The following ENTHD1 variants were observed in gnomAD, a reference collection of about 807,000 sequenced individuals.
The protein encoded by ENTHD1 is ENTH domain containing 1, also known as ENTH domain-containing protein 1.
In ENTHD1, 23 loss-of-function variants were observed where a neutral mutation model predicts 39.1. The observed-to-expected ratio is 0.59, with a 90% confidence interval of 0.42 to 0.83. The LOEUF (loss-of-function observed/expected upper bound fraction) is 0.83. Among genes scored for constraint, ENTHD1 ranks in the 40% least tolerant of loss-of-function variants. The probability of loss-of-function intolerance (pLI) is 0.00; values close to 1 mark genes in which losing one functional copy is unlikely to be tolerated. For synonymous variants in ENTHD1, 230 were observed against 258.2 expected, an observed-to-expected ratio of 0.89 and a Z score of 1.05; for missense variants, 624 against 705.4, an observed-to-expected ratio of 0.88 and a Z score of 1.31.
At position 39,765,897 on chromosome 22, in the gene ENTHD1, C is replaced by G. The variant is rs569291535; in HGVS notation, c.833-288G>C. Among the ~76,000 whole-genome samples, 4 of 151,656 alleles carry G rather than the reference C, an allele frequency of 2.6e-5. No individual in the cohort carries two copies. The South Asian group carries it at 8.3e-4, about 32-fold the overall frequency. ...TGTCTTTAAATATTTCTCCCTTCAC[C>G]CACTTATCTGTCGCTGAAACCACCA... On this transcript the variant is annotated intron_variant, in intron 5 of 6. Transcript: ENST00000325157.
chr22:39,838,967 C>T (rs1386704894), intron 3 of ENTHD1, among the ~76,000 whole-genome samples: 1 of 151,820 alleles, frequency 6.6e-6, no homozygotes, highest in Non-Finnish European at 1.5e-5. Context: ...CTACAGTTAT[C>T]AATCACAATG....
intron 5 of ENTHD1, among the ~76,000 whole-genome samples, chr22:39,776,695 C>T (rs931150684): frequency 9.9e-5 from 15 of 152,112 alleles, no homozygotes; most frequent in Non-Finnish European, 2.1e-4. Context: ...ACAAAAACAC[C>T]TCCATGCTTT....
Position 39,804,823 on chromosome 22 carries a change from C to T in ENTHD1, c.832+16170G>A, listed in dbSNP as rs574401866. Among the ~76,000 whole-genome samples, 4 of 152,276 alleles carry T rather than the reference C, an allele frequency of 2.6e-5. No homozygotes were observed. The East Asian group carries it at 7.7e-4, about 29-fold the overall frequency. On this transcript the variant is annotated intron_variant, in intron 5 of 6. Transcript: ENST00000325157. ...GTGTCTAGGAGATGAAAGACTTAAA[C>T]AAACAAAAACTAGACTCGTATGTAA...
intron 5 of ENTHD1, among the ~76,000 whole-genome samples, chr22:39,809,145 A>G (rs1415722918): frequency 6.6e-6 from 1 of 152,238 alleles, no homozygotes; most frequent in East Asian, 1.9e-4. Flanking sequence ...TTGTAAATGC[A>G]TCCAATTTAT....
intron 5 of ENTHD1, among the ~76,000 whole-genome samples, chr22:39,784,308 A>C (rs1023236828): frequency 5.3e-5 from 8 of 152,150 alleles, no homozygotes; most frequent in Admixed American, 4.6e-4. Flanking sequence ...GAATGTAAAA[A>C]CAGTACTGCC....
chr22:39,753,642 C>T (rs1174595190), intron 6 of ENTHD1, among the ~76,000 whole-genome samples: 1 of 152,172 alleles, frequency 6.6e-6, no homozygotes, highest in Non-Finnish European at 1.5e-5. Context: ...AAAACTGGAA[C>T]ACAGACACTA....
At chr22:39,773,720 T>C (rs760764262) in intron 5 of ENTHD1, among the ~76,000 whole-genome samples, 7 of 152,084 alleles carry the variant, frequency 4.6e-5, no homozygotes, top group South Asian at 2.1e-4. Context: ...TGGGAGATAA[T>C]AGAAATAAGA....
chr22:39,860,138 C>A (rs749296488), intron 3 of ENTHD1, among the ~76,000 whole-genome samples: 1 of 152,096 alleles, frequency 6.6e-6, no homozygotes, highest in Non-Finnish European at 1.5e-5. Flanking sequence ...AATGTTAGTT[C>A]CATGATAAAA....
intron 5 of ENTHD1, among the ~76,000 whole-genome samples, chr22:39,766,035 A>AG (rs2065274751): frequency 6.7e-6 from 1 of 149,418 alleles, no homozygotes; most frequent in African/African-American, 2.4e-5. Flanking sequence ...AAAAAAAAAA[A>AG]AAAAAAAAAA....
At chr22:39,844,837 A>G (rs2065974202) in intron 3 of ENTHD1, among the ~76,000 whole-genome samples, 1 of 152,202 alleles carries the variant, frequency 6.6e-6, no homozygotes, top group African/African-American at 2.4e-5. Flanking sequence ...AAATGGGTGT[A>G]ACAGAGTAAA....
chr22:39,780,948 G>A (rs921440807), intron 5 of ENTHD1, among the ~76,000 whole-genome samples: 4 of 149,444 alleles, frequency 2.7e-5, no homozygotes, highest in Non-Finnish European at 5.9e-5. Context: ...GCAGTGAGCC[G>A]AGATTGCGCC....
intron 5 of ENTHD1, among the ~76,000 whole-genome samples, chr22:39,789,029 T>C (rs927893944): frequency 6.6e-6 from 1 of 152,220 alleles, no homozygotes; most frequent in Non-Finnish European, 1.5e-5. Flanking sequence ...TTTATTGCAA[T>C]GTTGGCTTTA....
intron 5 of ENTHD1, among the ~76,000 whole-genome samples, chr22:39,789,914 G>A (rs1601595664): frequency 6.6e-6 from 1 of 152,198 alleles, no homozygotes; most frequent in East Asian, 1.9e-4. Flanking sequence ...CTGTTAAGGT[G>A]TCATTTGAGC....
intron 4 of ENTHD1, among the ~76,000 whole-genome samples, chr22:39,833,552 TA>T (rs2065886345): frequency 6.6e-6 from 1 of 151,832 alleles, no homozygotes; most frequent in African/African-American, 2.4e-5. Context: ...AAAAATAGAA[TA>T]GTTGAAATAG....
intron 6 of ENTHD1, among the ~76,000 whole-genome samples, chr22:39,759,946 T>A (rs2065217782): frequency 1.3e-5 from 2 of 152,070 alleles, no homozygotes. Flanking sequence ...TTTTTTAAGA[T>A]TTCAATCTTT....
intron 5 of ENTHD1, among the ~76,000 whole-genome samples, chr22:39,798,434 G>A (rs2065568446): frequency 6.6e-6 from 1 of 152,090 alleles, no homozygotes; most frequent in Non-Finnish European, 1.5e-5. Context: ...TGTTGGTTGG[G>A]TAGGACATGT....
intron 2 of ENTHD1, among the ~76,000 whole-genome samples, chr22:39,862,492 G>A (rs2066149948): frequency 6.7e-6 from 1 of 148,788 alleles, no homozygotes; most frequent in Non-Finnish European, 1.5e-5. Context: ...AGGTTGCAGT[G>A]AGCTGAGATT....
rs1245471080 is a variant in ENTHD1 at position 39,841,778 on chromosome 22, G to T, written c.593-5820C>A. Among the ~76,000 whole-genome samples the T allele has an allele frequency of 5.1e-4, 78 of 151,700 alleles. No individual in the cohort carries two copies. The Middle Eastern group carries it at 0.01, about 20-fold the overall frequency. On this transcript the variant is annotated intron_variant, in intron 3 of 6. Coordinates refer to ENST00000325157, the MANE Select transcript of ENTHD1 (RefSeq NM_152512.4). ...TTATGTGTGAATTTGATCCTGTCAT[G>T]ATGCTGTTAGCTGGTTATTTTGCTC...
At chr22:39,883,416 T>C (rs1381956112) in intron 2 of ENTHD1, among the ~76,000 whole-genome samples, 2 of 152,252 alleles carry the variant, frequency 1.3e-5, no homozygotes, top group African/African-American at 4.8e-5. Context: ...ACTTCTTTCA[T>C]GATAAAAACA....
Sources: gnomAD v4.1 joint callset for allele counts (sites outside exome capture counted in the v4.1 genomes callset) on GRCh38, gnomAD v4.1.1 for gene constraint, MANE v1.5 for transcripts, NCBI Gene and HGNC (gene_info 2026-07-23, HGNC 2026-07-21) for gene names.